AMPH: variants seen among roughly 807,000 people sequenced by gnomAD.
AMPH encodes amphiphysin, also known as amphiphysin (Stiff-Mann syndrome with breast cancer 128kD autoantigen).
A neutral mutation model predicts 99.1 loss-of-function variants in AMPH; 49 were observed. That is an observed-to-expected ratio of 0.49 (90% confidence interval 0.39 to 0.63). AMPH has a LOEUF of 0.63. Ranked by LOEUF, AMPH falls within the 20% of genes least tolerant of loss-of-function variation. AMPH has a pLI of 0.00. For missense variants in AMPH, 759 were observed against 863.4 expected, an observed-to-expected ratio of 0.88 and a Z score of 1.52; for synonymous variants, 314 against 317.3, an observed-to-expected ratio of 0.99 and a Z score of 0.11.
intron 5 of AMPH, among the ~76,000 whole-genome samples, chr7:38,485,101 A>C (rs1466026022): frequency 6.6e-6 from 1 of 151,974 alleles, no homozygotes; most frequent in African/African-American, 2.4e-5. Flanking sequence ...ACAATGAACA[A>C]AATGGTAACA....
chr7:38,493,947 T>C (rs997645467), intron 4 of AMPH, among the ~76,000 whole-genome samples: 2 of 152,168 alleles, frequency 1.3e-5, no homozygotes, highest in Non-Finnish European at 2.9e-5. Context: ...GGTTTTATGA[T>C]CATCTTCACT....
intron 1 of AMPH, among the ~76,000 whole-genome samples, chr7:38,568,471 A>G (rs919750447): frequency 3.9e-5 from 6 of 152,226 alleles, no homozygotes; most frequent in Admixed American, 2.6e-4. Flanking sequence ...TCTCCAAAAA[A>G]AAAGAATCCT....
chr7:38,553,080 C>T (rs1791235719), intron 1 of AMPH, among the ~76,000 whole-genome samples: 3 of 152,214 alleles, frequency 2.0e-5, no homozygotes, highest in Non-Finnish European at 2.9e-5. Flanking sequence ...CTGCTTTGAA[C>T]TATTTCTGGC....
intron 2 of AMPH, among the ~76,000 whole-genome samples, chr7:38,511,569 GCA>G (rs1789542405): frequency 6.6e-6 from 1 of 152,056 alleles, no homozygotes; most frequent in East Asian, 1.9e-4. Context: ...AAACAAGAAA[GCA>G]TGAATACTAA....
At chr7:38,507,407 T>C (rs889322675) in intron 2 of AMPH, among the ~76,000 whole-genome samples, 2 of 152,178 alleles carry the variant, frequency 1.3e-5, no homozygotes, top group Non-Finnish European at 2.9e-5. Context: ...CACTCAGTAA[T>C]AGCCACACTG....
chr7:38,562,536 G>A lies in AMPH; in HGVS notation c.70-27525C>T, dbSNP rs115040707. ...TTCACACCATGAAAGTGACAGATCCGAGGCAAAAGTTGAGGAATCCTAAGT... is the reference window on the plus strand; with the variant it reads ...TTCACACCATGAAAGTGACAGATCCAAGGCAAAAGTTGAGGAATCCTAAGT... On this transcript the variant is annotated intron_variant, in intron 1 of 20. Transcript: ENST00000356264. Among the ~76,000 whole-genome samples the A allele has an allele frequency of 4.4e-3, 665 of 152,202 alleles. 6 individuals are homozygous for A. The highest frequency in any genetic ancestry group is 0.015 in the African/African-American group (622 of 41,500).
rs933451057 is a variant in AMPH at position 38,556,329 on chromosome 7, C to T, written c.70-21318G>A. 3.3e-5 allele frequency among the ~76,000 whole-genome samples: 5 copies of T among 152,134 alleles called. No individual in the cohort carries two copies. The East Asian group carries it at 9.6e-4, about 29-fold the overall frequency. On this transcript the variant is annotated intron_variant, in intron 1 of 20. Transcript: ENST00000356264. ...ATTGCATAATTTTACTGTTATTAGA[C>T]ACCTGCTGTATGCCAGACCCTGCTA...
chr7:38,409,723 A>G (rs1003762596), intron 17 of AMPH, among the ~76,000 whole-genome samples: 1 of 152,202 alleles, frequency 6.6e-6, no homozygotes, highest in Non-Finnish European at 1.5e-5. Flanking sequence ...ACTCAACTGC[A>G]GGCAGCACTG....
At position 38,494,483 on chromosome 7, in the gene AMPH, C is replaced by T; in HGVS notation, c.250G>A (p.Val84Ile). The stretch of plus-strand genomic sequence containing the variant: ...CGCCCATACCAGTCAGGCTCATAGA[C>T]TTCATGCAGCGACTCTGTGAGCTTC... ...SMKLTESLHE[V>I]YEPDWYGRED... Residue 84 changes from valine (V) to isoleucine (I), a missense_variant, in exon 4 of 21, where the codon GTC becomes ATC. By Grantham distance (29) the Val-to-Ile change is conservative. Coordinates refer to ENST00000356264, the MANE Select transcript of AMPH (RefSeq NM_001635.4). 1 of 1,613,948 alleles carries T rather than the reference C, an allele frequency of 6.2e-7. No individual in the cohort carries two copies. The highest frequency in any genetic ancestry group is 1.1e-5 in the South Asian group (1 of 91,078).
chr7:38,534,819 T>C, intron 2 of AMPH, 112 bp downstream of exon 2: 2 of 843,486 alleles, frequency 2.4e-6, no homozygotes, highest in South Asian at 1.7e-5. Flanking sequence ...ACTCTCAAGT[T>C]AGTGCCAACT....
At chr7:38,487,728 A>T (rs551197530) in intron 5 of AMPH, among the ~76,000 whole-genome samples, 2 of 152,150 alleles carry the variant, frequency 1.3e-5, no homozygotes, top group Non-Finnish European at 2.9e-5. Context: ...TCATCAGAGT[A>T]AACAGACAAC....
chr7:38,588,635 T>G (rs1792749434), intron 1 of AMPH, among the ~76,000 whole-genome samples: 1 of 152,164 alleles, frequency 6.6e-6, no homozygotes, highest in African/African-American at 2.4e-5. Context: ...CATCCCTGCC[T>G]CTGTTCTGAA....
rs75469528 is a variant in AMPH at position 38,538,124 on chromosome 7, G to A, written c.70-3113C>T. Among the ~76,000 whole-genome samples, 1,115 of 152,230 alleles carry A rather than the reference G, an allele frequency of 7.3e-3. 16 individuals are homozygous for A. The highest frequency in any genetic ancestry group is 0.025 in the African/African-American group (1,043 of 41,532). ...AATAGTTTGTTGCTAGAGTTAATGC[G>A]CTCACCATTCCAGAAGTTACATGAG... is the stretch of plus-strand genomic sequence containing the variant. On this transcript the variant is annotated intron_variant, in intron 1 of 20. Coordinates refer to ENST00000356264, the MANE Select transcript of AMPH (RefSeq NM_001635.4).
chr7:38,518,750 T>C (rs761112320), intron 2 of AMPH, among the ~76,000 whole-genome samples: 4 of 152,228 alleles, frequency 2.6e-5, no homozygotes, highest in Non-Finnish European at 5.9e-5. Flanking sequence ...TACAGGACTC[T>C]GGACTTTGAA....
intron 17 of AMPH, among the ~76,000 whole-genome samples, chr7:38,401,110 T>C (rs1371792665): frequency 6.6e-6 from 1 of 152,328 alleles, no homozygotes; most frequent in African/African-American, 2.4e-5. Flanking sequence ...ATCAAGTTAT[T>C]TAACAGTTCT....
intron 14 of AMPH, chr7:38,429,023 T>C (rs764789184): frequency 2.3e-6 from 3 of 1,290,304 alleles, no homozygotes; most frequent in South Asian, 1.2e-5. Context: ...CTGTACCTTC[T>C]AGTGTCTTGA....
intron 1 of AMPH, among the ~76,000 whole-genome samples, chr7:38,563,349 C>G (rs1209744146): frequency 6.6e-6 from 1 of 152,202 alleles, no homozygotes; most frequent in Non-Finnish European, 1.5e-5. Flanking sequence ...TGAGAACCTA[C>G]TAAGTCAGAT....
At chr7:38,618,903 T>C (rs1793961490) in intron 1 of AMPH, among the ~76,000 whole-genome samples, 1 of 152,184 alleles carries the variant, frequency 6.6e-6, no homozygotes, top group Admixed American at 6.5e-5. Flanking sequence ...AAAATGTAAA[T>C]AGACTTAATA....
intron 15 of AMPH, among the ~76,000 whole-genome samples, chr7:38,423,756 A>C (rs1031102200): frequency 2.2e-4 from 34 of 152,180 alleles, no homozygotes; most frequent in African/African-American, 8.2e-4. Flanking sequence ...GAGCCACAGG[A>C]AACAGGAGTG....
Sources: gnomAD v4.1 joint callset for allele counts (sites outside exome capture counted in the v4.1 genomes callset) on GRCh38, gnomAD v4.1.1 for gene constraint, MANE v1.5 for transcripts, NCBI Gene and HGNC (gene_info 2026-07-23, HGNC 2026-07-21) for gene names.